MACROH2A2: variants seen among roughly 807,000 people sequenced by gnomAD.
MACROH2A2 encodes macroH2A.2 histone.
In MACROH2A2, 6 loss-of-function variants were observed where a neutral mutation model predicts 37.6. That is an observed-to-expected ratio of 0.16 (90% confidence interval 0.09 to 0.32). MACROH2A2 has a LOEUF of 0.32. Ranked by LOEUF, MACROH2A2 falls within the 10% of genes least tolerant of loss-of-function variation. The pLI is 1.00. For synonymous variants in MACROH2A2, 192 were observed against 202.7 expected (o/e 0.95, Z 0.45); for missense variants, 290 against 485.9 (o/e 0.60, Z 3.79).
chr10:70,086,768 A>G (rs1052788306), intron 2 of MACROH2A2, among the ~76,000 whole-genome samples: 2 of 152,168 alleles, frequency 1.3e-5, no homozygotes, highest in South Asian at 4.1e-4. Flanking sequence ...CCATCTAGAA[A>G]AAGGGATGAG....
intron 1 of MACROH2A2, among the ~76,000 whole-genome samples, chr10:70,064,726 A>G (rs932112143): frequency 6.6e-6 from 1 of 152,160 alleles, no homozygotes; most frequent in African/African-American, 2.4e-5. Flanking sequence ...GCTGCCATGT[A>G]AGAAGTGGTT....
intron 1 of MACROH2A2, among the ~76,000 whole-genome samples, chr10:70,070,648 C>T (rs765916722): frequency 1.3e-4 from 20 of 152,152 alleles, no homozygotes; most frequent in Non-Finnish European, 2.2e-4. Context: ...CCCGCCACCA[C>T]GCCCGGCTAA....
intron 1 of MACROH2A2, among the ~76,000 whole-genome samples, chr10:70,072,315 C>T (rs2072115649): frequency 6.6e-6 from 1 of 151,874 alleles, no homozygotes; most frequent in African/African-American, 2.4e-5. Flanking sequence ...TACACATTAG[C>T]CTAGGCCTAC....
intron 2 of MACROH2A2, among the ~76,000 whole-genome samples, chr10:70,080,943 T>C (rs1448379037): frequency 7.8e-6 from 1 of 128,596 alleles, no homozygotes; most frequent in Non-Finnish European, 1.6e-5. Context: ...ATGTTCTGAA[T>C]AGTCCCAGTT....
intron 2 of MACROH2A2, among the ~76,000 whole-genome samples, chr10:70,079,557 GCGCGCGCGCACACA>G (rs1261771474): frequency 9.2e-6 from 1 of 108,632 alleles, no homozygotes; most frequent in African/African-American, 4.0e-5. Flanking sequence ...GGGTTCGCGC[GCGCGCGCGCACACA>G]CACACACACA....
intron 1 of MACROH2A2, among the ~76,000 whole-genome samples, chr10:70,062,445 A>G (rs2072055370): frequency 6.6e-6 from 1 of 152,246 alleles, no homozygotes; most frequent in African/African-American, 2.4e-5. Context: ...TGACACTGTG[A>G]ATTTCATGTT....
chr10:70,089,943 GAGACATAGAAATCACAAATGA>G, intron 2 of MACROH2A2, 96 bp from the exon 3 acceptor site: 1 of 746,086 alleles, frequency 1.3e-6, no homozygotes, highest in South Asian at 1.6e-5. Flanking sequence ...TTTCCAGGCC[GAGACATAGAAATCACAAATGA>G]ATGAATGTGA....
chr10:70,094,472 A>G (rs148340375), intron 5 of MACROH2A2, among the ~76,000 whole-genome samples: 198 of 152,352 alleles, frequency 1.3e-3, no homozygotes, highest in African/African-American at 4.0e-3. Flanking sequence ...ACTGGGGCTG[A>G]AATAAGACAC....
chr10:70,067,079 A>G (rs1306486559), intron 1 of MACROH2A2, among the ~76,000 whole-genome samples: 1 of 152,240 alleles, frequency 6.6e-6, no homozygotes, highest in Admixed American at 6.5e-5. Flanking sequence ...CTCAATGTTA[A>G]TGAGTCAACA....
At chr10:70,073,124 C>T (rs983214571) in intron 1 of MACROH2A2, among the ~76,000 whole-genome samples, 1 of 152,192 alleles carries the variant, frequency 6.6e-6, no homozygotes, top group Non-Finnish European at 1.5e-5. Context: ...TCCTGGGCTC[C>T]TTCCACTATA....
chr10:70,110,099 T>A (rs2072361052), intron 8 of MACROH2A2, among the ~76,000 whole-genome samples: 1 of 152,162 alleles, frequency 6.6e-6, no homozygotes, highest in Non-Finnish European at 1.5e-5. Context: ...AGAGATGCTG[T>A]GAGATGCATT....
At chr10:70,057,457 A>G (rs760349246) in intron 1 of MACROH2A2, among the ~76,000 whole-genome samples, 1 of 152,236 alleles carries the variant, frequency 6.6e-6, no homozygotes, top group Non-Finnish European at 1.5e-5. Flanking sequence ...TGCAATGACT[A>G]TGAATTCAGG....
intron 7 of MACROH2A2, among the ~76,000 whole-genome samples, chr10:70,106,364 G>A (rs1384168404): frequency 6.6e-6 from 1 of 152,166 alleles, no homozygotes; most frequent in African/African-American, 2.4e-5. Context: ...ACATTACAAA[G>A]CATTATGGCT....
intron 2 of MACROH2A2, among the ~76,000 whole-genome samples, chr10:70,089,795 G>T (rs1308147918): frequency 1.3e-5 from 2 of 151,092 alleles, no homozygotes; most frequent in Non-Finnish European, 2.9e-5. Flanking sequence ...GTCTCACTCT[G>T]TTGCCCAGGC....
intron 8 of MACROH2A2, among the ~76,000 whole-genome samples, chr10:70,109,532 C>T (rs2072357862): frequency 6.6e-6 from 1 of 152,216 alleles, no homozygotes; most frequent in Non-Finnish European, 1.5e-5. Context: ...CTTCCAGGTT[C>T]AAAGTCCATA....
chr10:70,061,997 T>C (rs1003408982), intron 1 of MACROH2A2, among the ~76,000 whole-genome samples: 1 of 152,236 alleles, frequency 6.6e-6, no homozygotes, highest in Non-Finnish European at 1.5e-5. Flanking sequence ...TAAATGGAAG[T>C]GTAATAGAGC....
At chr10:70,111,474 C>T in intron 8 of MACROH2A2, 44 bp from the exon 9 acceptor site, 2 of 1,590,550 alleles carry the variant, frequency 1.3e-6, no homozygotes, top group South Asian at 1.1e-5. Context: ...CCCATGGGTC[C>T]CAGGGACCAA....
intron 1 of MACROH2A2, among the ~76,000 whole-genome samples, chr10:70,067,902 G>A (rs558494831): frequency 1.3e-5 from 2 of 152,122 alleles, no homozygotes; most frequent in South Asian, 4.1e-4. Context: ...GGAGGAAGGT[G>A]GGTTAAGGCC....
intron 2 of MACROH2A2, among the ~76,000 whole-genome samples, chr10:70,082,857 T>C (rs2072188258): frequency 6.6e-6 from 1 of 152,122 alleles, no homozygotes; most frequent in Non-Finnish European, 1.5e-5. Context: ...AGAGTTTCCA[T>C]TTGGGATGAT....
Sources: allele counts gnomAD v4.1 joint callset (sites outside exome capture counted in the v4.1 genomes callset), GRCh38; gene constraint gnomAD v4.1.1; transcripts MANE v1.5; gene names NCBI Gene and HGNC (gene_info 2026-07-23, HGNC 2026-07-21).